Variants in LINGO2 observed in about 807,000 individuals in gnomAD.
LINGO2 encodes the protein leucine rich repeat and Ig domain containing 2.
In LINGO2, 14 loss-of-function variants were observed where a neutral mutation model predicts 30.6. The observed-to-expected ratio is 0.46, with a 90% CI of 0.30 to 0.72. The LOEUF (loss-of-function observed/expected upper bound fraction) is 0.72. LINGO2 is among the 30% of genes least tolerant of loss of function. The pLI is 0.07. For synonymous variants in LINGO2, 317 were observed against 288.5 expected (o/e 1.10, Z -1.00); for missense variants, 729 against 751.7 (o/e 0.97, Z 0.35).
At chr9:28,179,503 G>C (rs1428133244) in intron 4 of LINGO2, among the ~76,000 whole-genome samples, 1 of 123,842 alleles carries the variant, frequency 8.1e-6, no homozygotes, top group African/African-American at 3.1e-5. Flanking sequence ...TACTATATAT[G>C]TACTATATAT....
chr9:28,300,664 T>C (rs1824107347), intron 3 of LINGO2, among the ~76,000 whole-genome samples: 1 of 152,154 alleles, frequency 6.6e-6, no homozygotes, highest in South Asian at 2.1e-4. Context: ...ATTGTCTTTT[T>C]TCTTCCTCCC....
chr9:28,391,816 C>G (rs1337582495), intron 2 of LINGO2, among the ~76,000 whole-genome samples: 1 of 152,118 alleles, frequency 6.6e-6, no homozygotes, highest in Non-Finnish European at 1.5e-5. Flanking sequence ...AATACCTACT[C>G]TAGGCACGTG....
intron 4 of LINGO2, among the ~76,000 whole-genome samples, chr9:28,201,527 T>C (rs78310002): frequency 0.099 from 14,707 of 148,578 alleles, 777 homozygotes; most frequent in Middle Eastern, 0.15. Context: ...TGAATAATGC[T>C]GCAATAAACA....
At chr9:28,917,539 A>T in the LINGO2 span, among the ~76,000 whole-genome samples, 1 of 150,444 alleles carries the variant, frequency 6.6e-6, no homozygotes, top group Non-Finnish European at 1.5e-5. Flanking sequence ...TGCAACCTCC[A>T]CCTCCTGGAT....
chr9:28,579,274 A>G (rs774162590), intron 1 of LINGO2, among the ~76,000 whole-genome samples: 3 of 152,080 alleles, frequency 2.0e-5, no homozygotes, highest in Admixed American at 2.0e-4. Flanking sequence ...TTAGTCTCTT[A>G]GCCCATGATA....
intron 1 of LINGO2, among the ~76,000 whole-genome samples, chr9:28,666,315 G>A (rs973300388): frequency 1.3e-5 from 2 of 152,120 alleles, no homozygotes; most frequent in Admixed American, 6.6e-5. Context: ...CTTCTGCAGA[G>A]ACATACAAAT....
intron 1 of LINGO2, among the ~76,000 whole-genome samples, chr9:28,566,055 C>A (rs961458480): frequency 6.6e-6 from 1 of 152,058 alleles, no homozygotes; most frequent in African/African-American, 2.4e-5. Context: ...AGCGAAGTGG[C>A]CTGCAGAAGT....
chr9:28,639,901 G>GTTTCTTCCTAGCCTTGATGGTCTT (rs1827486783), intron 1 of LINGO2, among the ~76,000 whole-genome samples: 1 of 151,810 alleles, frequency 6.6e-6, no homozygotes, highest in Non-Finnish European at 1.5e-5. Flanking sequence ...AGTTGATGCA[G>GTTTCTTCCTAGCCTTGATGGTCTT]TTTCTTCCTA....
chr9:28,048,799 G>A (rs1824538899), intron 4 of LINGO2, among the ~76,000 whole-genome samples: 2 of 150,476 alleles, frequency 1.3e-5, no homozygotes, highest in African/African-American at 4.9e-5. Context: ...ATATAGAAAT[G>A]TTAAAAGTAC....
the LINGO2 span, among the ~76,000 whole-genome samples, chr9:29,013,987 T>C: frequency 6.6e-6 from 1 of 152,160 alleles, no homozygotes; most frequent in Non-Finnish European, 1.5e-5. Context: ...GACATTCTTT[T>C]TTTGGTTCTT....
intron 2 of LINGO2, among the ~76,000 whole-genome samples, chr9:28,459,599 T>C (rs1415232378): frequency 1.3e-5 from 2 of 151,978 alleles, no homozygotes; most frequent in Non-Finnish European, 2.9e-5. Flanking sequence ...GGATCTAGGG[T>C]CCCATGTAGA....
At chr9:28,743,349 G>A in the LINGO2 span, among the ~76,000 whole-genome samples, 15 of 150,854 alleles carry the variant, frequency 9.9e-5, no homozygotes, top group Non-Finnish European at 1.6e-4. Context: ...CCCATCCCCC[G>A]ACAGGCCCCG....
chr9:28,404,385 TA>T (rs1318951391), intron 2 of LINGO2, among the ~76,000 whole-genome samples: 1 of 152,156 alleles, frequency 6.6e-6, no homozygotes, highest in Non-Finnish European at 1.5e-5. Context: ...ATTTTCTTTT[TA>T]AAAAATTATT....
At chr9:28,094,159 G>T (rs1338461531) in intron 4 of LINGO2, among the ~76,000 whole-genome samples, 1 of 152,030 alleles carries the variant, frequency 6.6e-6, no homozygotes, top group Non-Finnish European at 1.5e-5. Flanking sequence ...TATAATGAGG[G>T]TAACCTATTT....
chr9:28,636,596 T>A (rs1038376047), intron 1 of LINGO2, among the ~76,000 whole-genome samples: 6 of 152,196 alleles, frequency 3.9e-5, no homozygotes, highest in Non-Finnish European at 7.4e-5. Flanking sequence ...ATATTTTCAT[T>A]GTGTCTGTTG....
At chr9:28,759,274 T>A in the LINGO2 span, among the ~76,000 whole-genome samples, 1 of 152,096 alleles carries the variant, frequency 6.6e-6, no homozygotes, top group African/African-American at 2.4e-5. Context: ...AGATGAGACA[T>A]TTTGAATACA....
At chr9:28,315,120 T>C (rs566008488) in intron 3 of LINGO2, among the ~76,000 whole-genome samples, 1 of 151,244 alleles carries the variant, frequency 6.6e-6, no homozygotes, top group Non-Finnish European at 1.5e-5. Flanking sequence ...CAATCAGAGA[T>C]GGATAAAAAA....
chr9:28,344,998 G>T (rs757650805), intron 3 of LINGO2, among the ~76,000 whole-genome samples: 5 of 152,058 alleles, frequency 3.3e-5, no homozygotes, highest in Non-Finnish European at 5.9e-5. Flanking sequence ...ATATTAGACA[G>T]TGGTAGTTCA....
At chr9:28,016,823 TCTC>T (rs200181067) in intron 4 of LINGO2, among the ~76,000 whole-genome samples, 3,051 of 152,038 alleles carry the variant, frequency 0.02, 95 homozygotes, top group African/African-American at 0.069. Context: ...AGGAAGGACT[TCTC>T]CTCGACTCAT....
Sources: allele counts gnomAD v4.1 joint callset (sites outside exome capture counted in the v4.1 genomes callset), GRCh38; gene constraint gnomAD v4.1.1; transcripts MANE v1.5; gene names NCBI Gene and HGNC (gene_info 2026-07-23, HGNC 2026-07-21).